The following SOBP variants were observed in gnomAD, a reference collection of about 807,000 sequenced individuals.
The protein encoded by SOBP is sine oculis-binding protein homolog.
Under a neutral mutation model 53.6 loss-of-function variants are expected in SOBP, and 4 were observed. The ratio of observed to expected loss-of-function variants is 0.07; its 90% CI spans 0.04 to 0.17. The LOEUF (loss-of-function observed/expected upper bound fraction) is 0.17, where lower values mean the gene tolerates loss of function less well. Among genes scored for constraint, SOBP ranks in the 10% least tolerant of loss-of-function variants. SOBP has a pLI of 1.00. For synonymous variants in SOBP, 584 were observed against 522.6 expected (o/e 1.12, Z -1.60); for missense variants, 1,088 against 1,204.7 (o/e 0.90, Z 1.43).
At position 107,522,541 on chromosome 6, in the gene SOBP, T is replaced by C. The variant is rs200112470; in HGVS notation, c.422-10918T>C. ...TGATTGGGTGTAGTATAAAAACTTT[T>C]TTTTTTTTTTTTTTTTTTGTGGCAA... On this transcript the variant is annotated intron_variant, in intron 3 of 6. Transcript: ENST00000317357. Among the ~76,000 whole-genome samples the C allele has an allele frequency of 1.3e-4, 19 of 141,262 alleles. No homozygotes were observed. In the East Asian group the frequency reaches 3.9e-3, roughly 29 times the overall value. The allele number at this position is 141,262 out of a possible 152,430, so 92.7% of individuals were successfully genotyped here.
chr6:107,572,713 G>A (rs1785109284), intron 4 of SOBP, among the ~76,000 whole-genome samples: 1 of 152,214 alleles, frequency 6.6e-6, no homozygotes, highest in Admixed American at 6.5e-5. Context: ...GTTACTCAGT[G>A]TGTGGATTAC....
chr6:107,526,704 T>A (rs908222281), intron 3 of SOBP, among the ~76,000 whole-genome samples: 4 of 152,246 alleles, frequency 2.6e-5, no homozygotes, highest in Non-Finnish European at 5.9e-5. Context: ...TGTCTATGTC[T>A]GTCTTCATAA....
intron 3 of SOBP, 51 bp from the exon 4 acceptor site, chr6:107,533,407 TG>T: frequency 1.2e-6 from 2 of 1,606,792 alleles, no homozygotes; most frequent in East Asian, 4.5e-5. Flanking sequence ...TGTCTAAATT[TG>T]AAGGGATGTT....
At chr6:107,536,133 G>C (rs1176029142) in intron 4 of SOBP, among the ~76,000 whole-genome samples, 1 of 152,068 alleles carries the variant, frequency 6.6e-6, no homozygotes, top group Non-Finnish European at 1.5e-5. Context: ...CTTAGGTATA[G>C]TGTAGACTTA....
Position 107,572,623 on chromosome 6 carries a change from G to A in SOBP, c.574-14457G>A, listed in dbSNP as rs375398664. Among the ~76,000 whole-genome samples, 261 of 152,260 alleles carry A rather than the reference G, an allele frequency of 1.7e-3. 1 individual carries two copies. Among genetic ancestry groups the A allele is most frequent in the South Asian group, 7.3e-3 (35 of 4,814 alleles). On this transcript the variant is annotated intron_variant, in intron 4 of 6. Coordinates refer to ENST00000317357, the MANE Select transcript of SOBP (RefSeq NM_018013.4). ...CTGGCCTTAATTTGCACACTTTCTC[G>A]AAATGGTGAGCCAAATATCAGATTG...
chr6:107,612,012 C>T (rs1454977600), intron 5 of SOBP, among the ~76,000 whole-genome samples: 1 of 152,186 alleles, frequency 6.6e-6, no homozygotes, highest in Non-Finnish European at 1.5e-5. Flanking sequence ...AGGGCTGGCA[C>T]ACACGTTCTT....
chr6:107,576,571 G>A (rs1785231809), intron 4 of SOBP, among the ~76,000 whole-genome samples: 1 of 152,218 alleles, frequency 6.6e-6, no homozygotes, highest in Non-Finnish European at 1.5e-5. Context: ...GCCAGGCCGA[G>A]TACACAGATC....
At chr6:107,583,505 A>C (rs1050555673) in intron 4 of SOBP, among the ~76,000 whole-genome samples, 1 of 152,166 alleles carries the variant, frequency 6.6e-6, no homozygotes, top group African/African-American at 2.4e-5. Flanking sequence ...GCCCACAAGC[A>C]ACTAGTTCTG....
chr6:107,563,031 G>A (rs1784816229), intron 4 of SOBP, among the ~76,000 whole-genome samples: 1 of 152,120 alleles, frequency 6.6e-6, no homozygotes, highest in African/African-American at 2.4e-5. Flanking sequence ...CATGGCAGGA[G>A]GATTGCTTGA....
intron 6 of SOBP, among the ~76,000 whole-genome samples, chr6:107,645,470 G>A (rs920163309): frequency 6.6e-6 from 1 of 152,042 alleles, no homozygotes; most frequent in African/African-American, 2.4e-5. Flanking sequence ...AAAAAAAGTA[G>A]GGGAGGGTGT....
At chr6:107,504,887 ATAAAC>A (rs1334387458) in intron 2 of SOBP, among the ~76,000 whole-genome samples, 36 of 152,362 alleles carry the variant, frequency 2.4e-4, no homozygotes, top group African/African-American at 6.7e-4. Context: ...TTTGTATTCT[ATAAAC>A]TAATAGCTCA....
intron 4 of SOBP, among the ~76,000 whole-genome samples, chr6:107,544,337 A>T (rs1170543551): frequency 6.6e-6 from 1 of 152,240 alleles, no homozygotes; most frequent in Non-Finnish European, 1.5e-5. Context: ...TTATTTATGC[A>T]TTCAACAAAT....
rs571246245 is a variant in SOBP, at chr6:107,608,734, G to C, written c.669+21559G>C. 2.7e-4 allele frequency among the ~76,000 whole-genome samples: 41 copies of C among 152,342 alleles called. 1 individual carries two copies. Among genetic ancestry groups the C allele is most frequent in the Admixed American group, 2.6e-3 (40 of 15,306 alleles). ...AAGGTCCTCACGAGATGAGTTAAGA[G>C]ACAGATACTGCCCTCAAGGGCAGAT... is the stretch of plus-strand genomic sequence containing the variant. On this transcript the variant is annotated intron_variant, in intron 5 of 6. Transcript: ENST00000317357.
intron 3 of SOBP, among the ~76,000 whole-genome samples, chr6:107,507,066 C>CAA (rs781118503): frequency 8.2e-6 from 1 of 121,698 alleles, no homozygotes; most frequent in Admixed American, 8.4e-5. Context: ...AACTCCGTCT[C>CAA]AAAAAAAAAA....
In SOBP at chr6:107,633,888, A is replaced by C. The variant is rs373732245; in HGVS notation, c.1044A>C (p.Pro348=). Residue 348 remains proline (P), a synonymous_variant, in exon 6 of 7, where the codon CCA becomes CCC. Coordinates refer to ENST00000317357, the MANE Select transcript of SOBP (RefSeq NM_018013.4). ...GCTCTGTCACTAAAATCCCCACGCC[A>C]GTGCCCAAGTCCATCCCCATCAGCG... ...ANCSVTKIPT[P]VPKSIPISET... 6.2e-6 allele frequency: 10 copies of C among 1,614,142 alleles called. No individual in the cohort carries two copies. Among genetic ancestry groups the C allele is most frequent in the Middle Eastern group, 3.3e-4 (2 of 6,062 alleles).
At chr6:107,647,786 T>C (rs1771624002) in intron 6 of SOBP, among the ~76,000 whole-genome samples, 1 of 151,980 alleles carries the variant, frequency 6.6e-6, no homozygotes, top group African/African-American at 2.4e-5. Flanking sequence ...ACATGCCCTG[T>C]GCCAAGCACC....
chr6:107,547,792 A>C (rs1413920848), intron 4 of SOBP, among the ~76,000 whole-genome samples: 1 of 152,212 alleles, frequency 6.6e-6, no homozygotes, highest in African/African-American at 2.4e-5. Flanking sequence ...CAGGTTGTTA[A>C]TGATCATGGA....
intron 6 of SOBP, among the ~76,000 whole-genome samples, chr6:107,657,940 G>T (rs2114260196): frequency 6.6e-6 from 1 of 152,120 alleles, no homozygotes; most frequent in Non-Finnish European, 1.5e-5. Context: ...GTGAGGGCGT[G>T]GTGTACCCTA....
In SOBP at chr6:107,639,436, C is replaced by T. The variant is rs80110879; in HGVS notation, c.*3+3967C>T. ...AATGATTTCAGTGGACAACTATTTTCCCCAGATGCAGAACTAATTAAGTTT... is the reference window on the plus strand; with the variant it reads ...AATGATTTCAGTGGACAACTATTTTTCCCAGATGCAGAACTAATTAAGTTT... On this transcript the variant is annotated intron_variant, in intron 6 of 6. Coordinates refer to ENST00000317357, the MANE Select transcript of SOBP (RefSeq NM_018013.4). Among the ~76,000 whole-genome samples the T allele has an allele frequency of 5.6e-3, 848 of 152,176 alleles. 11 individuals are homozygous for T. Among genetic ancestry groups the T allele is most frequent in the African/African-American group, 0.02 (811 of 41,520 alleles).
Sources: allele counts gnomAD v4.1 joint callset (sites outside exome capture counted in the v4.1 genomes callset), GRCh38; gene constraint gnomAD v4.1.1; transcripts MANE v1.5; gene names NCBI Gene and HGNC (gene_info 2026-07-23, HGNC 2026-07-21).